The following DDX60 variants were observed in gnomAD, a reference collection of about 807,000 sequenced individuals.
DDX60 encodes DExD/H-box helicase 60.
Under a neutral mutation model 212.8 loss-of-function variants are expected in DDX60, and 165 were observed. The ratio of observed to expected loss-of-function variants is 0.78; its 90% CI spans 0.68 to 0.88. The LOEUF (loss-of-function observed/expected upper bound fraction) is 0.88. Ranked by LOEUF, DDX60 falls within the 40% of genes least tolerant of loss-of-function variation. DDX60 has a pLI of 0.00. For missense variants in DDX60, 1,905 were observed against 2,003.9 expected, an observed-to-expected ratio of 0.95 and a Z score of 0.94; for synonymous variants, 703 against 685.3, an observed-to-expected ratio of 1.03 and a Z score of -0.40.
chr4:168,277,488 G>A (rs993037242), intron 14 of DDX60, among the ~76,000 whole-genome samples: 13 of 152,088 alleles, frequency 8.5e-5, no homozygotes, highest in Non-Finnish European at 1.8e-4. Context: ...ATACAAAATT[G>A]TCCTTTTATT....
In DDX60 at chr4:168,306,421, G is replaced by A. The variant is rs1473077154; in HGVS notation, c.564C>T (p.Tyr188=). The part of the protein sequence containing the change: ...QESDVLCLYA[Y]LLPSMYRHQI... The stretch of plus-strand genomic sequence containing the variant: ...GGTGTCTGTACATGCTTGGAAGAAG[G>A]TATGCATAAAGGCAAAGAACATCAG... The change falls in exon 5 of 38, where the codon TAC becomes TAT. Residue 188 remains tyrosine (Y), a synonymous_variant. Transcript: ENST00000393743. 6.2e-7 allele frequency: 1 copy of A among 1,614,016 alleles called. No individual in the cohort carries two copies. The highest frequency in any genetic ancestry group is 8.5e-7 in the Non-Finnish European group (1 of 1,179,926).
chr4:168,323,771 A>C (rs946767274), upstream of DDX60, among the ~76,000 whole-genome samples: 1 of 152,174 alleles, frequency 6.6e-6, no homozygotes, highest in African/African-American at 2.4e-5. Flanking sequence ...ATGGCCCGAG[A>C]ATGGCCCAAG....
rs568549629 is a variant in DDX60, at chr4:168,297,297, C to T, written c.724-3352G>A. Among the ~76,000 whole-genome samples, 284 of 67,470 alleles carry T rather than the reference C, an allele frequency of 4.2e-3. 6 individuals carry two copies. The highest frequency in any genetic ancestry group is 0.015 in the African/African-American group (249 of 16,260). 44.3% of individuals were successfully genotyped at this position (67,470 alleles called of 152,430 possible). ...AGAAAGAAAGAAAGAGAGAGAGAGA[C>T]GAAAGAAAGAAAGAAAGAAAGAAAG... On this transcript the variant is annotated intron_variant, in intron 6 of 37. Coordinates refer to ENST00000393743, the MANE Select transcript of DDX60 (RefSeq NM_017631.6).
At chr4:168,238,619 CT>C (rs1257013332) in intron 30 of DDX60, among the ~76,000 whole-genome samples, 1 of 151,876 alleles carries the variant, frequency 6.6e-6, no homozygotes, top group Non-Finnish European at 1.5e-5. Flanking sequence ...CATATCTGGC[CT>C]TTTTTGCAAC....
chr4:168,257,120 T>C (rs1358847923), intron 25 of DDX60, among the ~76,000 whole-genome samples: 1 of 152,060 alleles, frequency 6.6e-6, no homozygotes, highest in Non-Finnish European at 1.5e-5. Flanking sequence ...AAGTCAGGAG[T>C]TCGAGACCAG....
intron 28 of DDX60, among the ~76,000 whole-genome samples, chr4:168,248,928 T>C (rs942153638): frequency 3.9e-5 from 6 of 152,052 alleles, no homozygotes; most frequent in Admixed American, 2.0e-4. Flanking sequence ...TTCGGCTAAT[T>C]TTTGTATTTT....
chr4:168,295,770 A>C (rs1736315073), intron 6 of DDX60, among the ~76,000 whole-genome samples: 1 of 152,252 alleles, frequency 6.6e-6, no homozygotes, highest in East Asian at 1.9e-4. Context: ...GTTTATCAAC[A>C]GATGAACGGA....
At chr4:168,314,751 T>C (rs2149557858) in intron 1 of DDX60, among the ~76,000 whole-genome samples, 1 of 152,308 alleles carries the variant, frequency 6.6e-6, no homozygotes, top group Non-Finnish European at 1.5e-5. Flanking sequence ...CTAATATTTC[T>C]AGTAGGAGAT....
chr4:168,224,353 G>T lies in DDX60; in HGVS notation c.4714C>A (p.Leu1572Ile), dbSNP rs769339815. Residue 1572 changes from leucine to isoleucine, a missense_variant, in exon 35 of 38, where the codon CTC becomes ATC. By Grantham distance (5) the Leu-to-Ile change is conservative. Transcript: ENST00000393743. ...TTGCAGCTCATCAAATGAGATACGAGTTGAGAGTCTTCACATTCTTTACCT... is the reference window on the plus strand; with the variant it reads ...TTGCAGCTCATCAAATGAGATACGATTTGAGAGTCTTCACATTCTTTACCT... Reference protein sequence around the residue: ...FTGKECEDSQLVSHLMSCKEG... With the variant: ...FTGKECEDSQIVSHLMSCKEG... The T allele has an allele frequency of 6.2e-7, 1 of 1,611,952 alleles. No individual in the cohort carries two copies. Among genetic ancestry groups the T allele is most frequent in the South Asian group, 1.1e-5 (1 of 91,010 alleles).
intron 10 of DDX60, 129 bp from the exon 11 acceptor site, chr4:168,285,627 T>G (rs923095013): frequency 1.7e-6 from 1 of 601,264 alleles, no homozygotes; most frequent in Admixed American, 3.3e-5. Context: ...TATATCAAGT[T>G]CAGCCCTTCT....
intron 30 of DDX60, among the ~76,000 whole-genome samples, chr4:168,244,465 G>A (rs1022757665): frequency 2.6e-5 from 4 of 152,148 alleles, no homozygotes; most frequent in Admixed American, 2.6e-4. Flanking sequence ...AGTGGCTCAC[G>A]CCTGTAATCC....
intron 7 of DDX60, among the ~76,000 whole-genome samples, chr4:168,292,523 A>G (rs1030150878): frequency 6.6e-6 from 1 of 152,214 alleles, no homozygotes; most frequent in African/African-American, 2.4e-5. Context: ...GAGCTGATCG[A>G]GCAACTAATA....
At chr4:168,287,296 G>T in intron 9 of DDX60, 93 bp from the exon 10 acceptor site, 1 of 1,212,860 alleles carries the variant, frequency 8.2e-7, no homozygotes, top group Non-Finnish European at 1.2e-6. Context: ...ATGGAATTCT[G>T]AAATACTTTC....
In DDX60 at chr4:168,219,052, G is replaced by A. The variant is rs550806597; in HGVS notation, c.5039+1603C>T. Among the ~76,000 whole-genome samples, 53 of 151,848 alleles carry A rather than the reference G, an allele frequency of 3.5e-4. 1 individual carries two copies. Among genetic ancestry groups the A allele is most frequent in the South Asian group, 1.7e-3 (8 of 4,796 alleles). Reference sequence around the variant, plus strand: ...TCCTAGCACTTTGGGAGGCCAAGGCGGGTGGATTGCCTGAGCTCAGGAATT... The same window carrying A: ...TCCTAGCACTTTGGGAGGCCAAGGCAGGTGGATTGCCTGAGCTCAGGAATT... On this transcript the variant is annotated intron_variant, in intron 37 of 37. Coordinates refer to ENST00000393743, the MANE Select transcript of DDX60 (RefSeq NM_017631.6).
intron 30 of DDX60, among the ~76,000 whole-genome samples, chr4:168,239,025 G>A (rs959505558): frequency 6.6e-6 from 1 of 152,104 alleles, no homozygotes; most frequent in Admixed American, 6.6e-5. Flanking sequence ...CAAACCATCA[G>A]ATTTGGATAG....
rs182382021 is a variant in DDX60, at chr4:168,225,686, G to A, written c.4534-10C>T. 5.2e-5 allele frequency: 84 copies of A among 1,605,722 alleles called. 1 individual carries two copies. The African/African-American group carries it at 8.7e-4, about 17-fold the overall frequency. ...GATCATCAAGGAACACCTAGAAGCC[G>A]AATAATTTTCATAGAGATAGATCTA... On this transcript the variant is annotated splice_polypyrimidine_tract_variant and intron_variant, in intron 33 of 37. Transcript: ENST00000393743.
At chr4:168,313,545 T>C (rs72693172) in intron 1 of DDX60, among the ~76,000 whole-genome samples, 4,660 of 152,172 alleles carry the variant, frequency 0.031, 85 homozygotes, top group Non-Finnish European at 0.046. Context: ...TTTCTTCAAC[T>C]CTCCAAATTG....
intron 6 of DDX60, among the ~76,000 whole-genome samples, chr4:168,294,481 C>CATTTATTTATTT (rs4058259): frequency 2.7e-5 from 4 of 149,182 alleles, no homozygotes; most frequent in East Asian, 2.0e-4. Flanking sequence ...GCAAACGATA[C>CATTTATTTATTT]ATTTATTTAT....
At chr4:168,233,013 A>G (rs1733508955) in intron 33 of DDX60, among the ~76,000 whole-genome samples, 1 of 152,148 alleles carries the variant, frequency 6.6e-6, no homozygotes, top group Admixed American at 6.6e-5. Flanking sequence ...AGCAGCAACA[A>G]AAAAACAAAC....
Sources: allele counts gnomAD v4.1 joint callset (sites outside exome capture counted in the v4.1 genomes callset), GRCh38; gene constraint gnomAD v4.1.1; transcripts MANE v1.5; gene names NCBI Gene and HGNC (gene_info 2026-07-23, HGNC 2026-07-21).